Variants in TBX5 observed in about 807,000 individuals in gnomAD.
The protein encoded by TBX5 is T-box transcription factor 5, also known as T-box transcription factor TBX5.
Under a neutral mutation model 51.1 loss-of-function variants are expected in TBX5, and 8 were observed. The ratio of observed to expected loss-of-function variants is 0.16; its 90% CI spans 0.09 to 0.28. The LOEUF (loss-of-function observed/expected upper bound fraction) is 0.28. TBX5 is among the 10% of genes least tolerant of loss of function. The probability of loss-of-function intolerance (pLI) is 1.00; values close to 1 mark genes in which losing one functional copy is unlikely to be tolerated. For missense variants in TBX5, 589 were observed against 671.7 expected, an observed-to-expected ratio of 0.88 and a Z score of 1.36; for synonymous variants, 302 against 266.4, an observed-to-expected ratio of 1.13 and a Z score of -1.30.
intron 8 of TBX5, among the ~76,000 whole-genome samples, chr12:114,359,820 T>C (rs1304673822): frequency 6.6e-6 from 1 of 152,210 alleles, no homozygotes; most frequent in Non-Finnish European, 1.5e-5. Context: ...ACCTGAACTT[T>C]TTATGAGATT....
chr12:114,403,798 G>A lies in TBX5; in HGVS notation c.101C>T (p.Ala34Val), dbSNP rs761952835. The change falls in exon 2 of 9, where the codon GCC becomes GTC. Residue 34 changes from alanine (A) to valine (V), a missense_variant. By Grantham distance (64) the Ala-to-Val change is moderately conservative (BLOSUM62 0). Coordinates refer to ENST00000405440, the MANE Select transcript of TBX5 (RefSeq NM_181486.4). ...CDSKPESALG[A>V]PSKSPSSPQA... Reference sequence around the variant, plus strand: ...CGGGGACGACGGGGACTTGCTGGGGGCCCCGAGCGCGCTCTCGGGTTTCGA... The same window carrying A: ...CGGGGACGACGGGGACTTGCTGGGGACCCCGAGCGCGCTCTCGGGTTTCGA... 14 of 1,614,046 alleles carry A rather than the reference G, an allele frequency of 8.7e-6. No homozygotes were observed. In the Admixed American group the frequency reaches 2.0e-4, roughly 23 times the overall value.
intron 5 of TBX5, among the ~76,000 whole-genome samples, chr12:114,397,230 T>C (rs1871482462): frequency 6.6e-6 from 1 of 152,184 alleles, no homozygotes; most frequent in Non-Finnish European, 1.5e-5. Flanking sequence ...TTGCTCCTCT[T>C]TGAAGCTACA....
At position 114,355,705 on chromosome 12, in the gene TBX5, C is replaced by A; in HGVS notation, c.1384G>T (p.Ala462Ser). ...EGMFQHQTSV[A>S]HQPVVRQCGP... ...CACTGCCTGACCACAGGCTGGTGGGCCACGGAGGTCTGGTGCTGGAACATT... is the reference window on the plus strand; with the variant it reads ...CACTGCCTGACCACAGGCTGGTGGGACACGGAGGTCTGGTGCTGGAACATT... Residue 462 changes from alanine to serine, a missense_variant, in exon 9 of 9, where the codon GCC becomes TCC. Around this residue, in one of 7 missense-constraint regions of TBX5, gnomAD observed 348 missense variants for 360.4 expected, o/e 0.97. Transcript: ENST00000405440. 1 of 1,613,928 alleles carries A rather than the reference C, an allele frequency of 6.2e-7. No individual in the cohort carries two copies. The highest frequency in any genetic ancestry group is 8.5e-7 in the Non-Finnish European group (1 of 1,179,908).
Position 114,405,918 on chromosome 12 carries a change from T to C in TBX5, c.-329A>G. 3 of 985,450 alleles carry C rather than the reference T, an allele frequency of 3.0e-6. No homozygotes were observed. The highest frequency in any genetic ancestry group is 3.6e-6 in the Non-Finnish European group (3 of 830,030). The allele number at this position is 985,450 out of a possible 1,614,324, so 61.0% of individuals were successfully genotyped here. A position where few individuals can be genotyped will look rare whatever the true frequency, so the allele number is the denominator to read the frequency against. ...TAGCCTCCAAGAGCACCGGCAACCA[T>C]ATAATCTCAGTGCCCCGCTCCTCCT... On this transcript the variant is annotated 5_prime_UTR_variant, in exon 1 of 9. In the 5' UTR this introduces an upstream ATG that the reference lacks. Coordinates refer to ENST00000405440, the MANE Select transcript of TBX5 (RefSeq NM_181486.4).
rs757457183 is a variant in TBX5, at chr12:114,355,689, A to G, written c.1400T>C (p.Val467Ala). Residue 467 changes from valine to alanine, a missense_variant, in exon 9 of 9, where the codon GTC becomes GCC. This residue lies in a region of TBX5 where 348 missense variants were observed against 360.4 expected (regional missense o/e 0.97). Coordinates refer to ENST00000405440, the MANE Select transcript of TBX5 (RefSeq NM_181486.4). ...GCCAGTCTGAGGCCCACACTGCCTG[A>G]CCACAGGCTGGTGGGCCACGGAGGT... ...HQTSVAHQPV[V>A]RQCGPQTGLQ... 6.2e-7 allele frequency: 1 copy of G among 1,614,012 alleles called. No homozygotes were observed. The highest frequency in any genetic ancestry group is 1.7e-5 in the Admixed American group (1 of 60,024).
At chr12:114,369,511 G>A (rs924129879) in intron 7 of TBX5, among the ~76,000 whole-genome samples, 1 of 152,140 alleles carries the variant, frequency 6.6e-6, no homozygotes, top group Non-Finnish European at 1.5e-5. Context: ...CATGGAATGG[G>A]GAAGTGACTT....
At chr12:114,370,374 G>C (rs1343144345) in intron 7 of TBX5, among the ~76,000 whole-genome samples, 4 of 151,804 alleles carry the variant, frequency 2.6e-5, no homozygotes, top group Admixed American at 2.6e-4. Context: ...GGCAGGTACA[G>C]AGAGGTCAAG....
chr12:114,394,296 C>G (rs1190135001), intron 6 of TBX5, among the ~76,000 whole-genome samples: 1 of 152,112 alleles, frequency 6.6e-6, no homozygotes, highest in Non-Finnish European at 1.5e-5. Flanking sequence ...GCCTGGGTGA[C>G]AGACAGAGTG....
rs1289222151 is a variant in TBX5, at chr12:114,394,852, G to A, written c.552C>T (p.His184=). Residue 184 remains histidine (H), a synonymous_variant, in exon 6 of 9, where the codon CAC becomes CAT. Transcript: ENST00000405440. ...NSMHKYQPRL[H]IVKADENNGF... is the part of the protein sequence containing the mutation. ...CATTATTTTCATCCGCTTTCACGAT[G>A]TGTAATCTAGGCTGGTATTTGTGCA... The A allele has an allele frequency of 6.2e-7, 1 of 1,614,132 alleles. No individual in the cohort carries two copies. Among genetic ancestry groups the A allele is most frequent in the South Asian group, 1.1e-5 (1 of 91,078 alleles).
At chr12:114,393,703 T>C (rs1294829105) in intron 6 of TBX5, among the ~76,000 whole-genome samples, 2 of 152,114 alleles carry the variant, frequency 1.3e-5, no homozygotes, top group East Asian at 3.9e-4. Flanking sequence ...TTGAACCTCA[T>C]GGGGTCTGAC....
At chr12:114,400,963 C>A (rs770668280) in intron 3 of TBX5, among the ~76,000 whole-genome samples, 1 of 152,188 alleles carries the variant, frequency 6.6e-6, no homozygotes, top group Non-Finnish European at 1.5e-5. Flanking sequence ...TTGGGCCTAC[C>A]GTTCGCCTGC....
intron 5 of TBX5, among the ~76,000 whole-genome samples, chr12:114,396,814 C>T (rs1480481259): frequency 1.3e-5 from 2 of 152,160 alleles, no homozygotes; most frequent in South Asian, 2.1e-4. Flanking sequence ...CTGGCAGATA[C>T]ACAGCCAGGG....
upstream of TBX5, chr12:114,407,123 G>A: frequency 1.0e-6 from 1 of 985,106 alleles, no homozygotes; most frequent in Non-Finnish European, 1.2e-6. Context: ...GTAACCCTCT[G>A]TGACTGCTCT....
chr12:114,376,716 A>G (rs1870211369), intron 7 of TBX5, among the ~76,000 whole-genome samples: 1 of 151,746 alleles, frequency 6.6e-6, no homozygotes, highest in East Asian at 1.9e-4. Flanking sequence ...GAGGTGCTGA[A>G]TATGTTAATT....
At chr12:114,407,480 TCA>T (rs1419902514), upstream of TBX5, among the ~76,000 whole-genome samples, 2 of 152,162 alleles carry the variant, frequency 1.3e-5, no homozygotes, top group Admixed American at 6.5e-5. Flanking sequence ...CTTTAAGTTC[TCA>T]GAGATTTGGG....
chr12:114,367,392 C>T (rs913640301), intron 7 of TBX5, among the ~76,000 whole-genome samples: 15 of 152,108 alleles, frequency 9.9e-5, no homozygotes, highest in African/African-American at 3.6e-4. Context: ...CTCACACAGG[C>T]AAAGTAAGCA....
At position 114,373,615 on chromosome 12, in the gene TBX5, T is replaced by A. The variant is rs11067086; in HGVS notation, c.756-7224A>T. On this transcript the variant is annotated intron_variant, in intron 7 of 8. Coordinates refer to ENST00000405440, the MANE Select transcript of TBX5 (RefSeq NM_181486.4). ...CTGGGACTGCAAGCACCCACCATCA[T>A]GCCCAGCTAATTTTTGTATTTTTAG... Among the ~76,000 whole-genome samples, 5,047 of 152,226 alleles carry A rather than the reference T, an allele frequency of 0.033. 378 individuals are homozygous for A. In the East Asian group the frequency reaches 0.35, roughly 11 times the overall value.
rs376621016 is a variant in TBX5, at chr12:114,399,553, G to A, written c.322C>T (p.Pro108Ser). Residue 108 changes from proline to serine, a missense_variant, in exon 4 of 9, where the codon CCT (proline) becomes TCT (serine). Pro to Ser is a moderately conservative substitution (Grantham distance 74). Coordinates refer to ENST00000405440, the MANE Select transcript of TBX5 (RefSeq NM_181486.4). Reference sequence around the variant, plus strand: ...AATTTGTATCTGTGATCGTCGGCAGGTACAATGTCCATGAGAAGAATGTAC... The same window carrying A: ...AATTTGTATCTGTGATCGTCGGCAGATACAATGTCCATGAGAAGAATGTAC... ...TKYILLMDIVPADDHRYKFAD... is the reference protein window; with the variant it reads ...TKYILLMDIVSADDHRYKFAD... 8.1e-6 allele frequency: 13 copies of A among 1,614,010 alleles called. No homozygotes were observed. The highest frequency in any genetic ancestry group is 1.7e-5 in the Admixed American group (1 of 59,996).
chr12:114,405,565 C>T (rs1209203160), intron 1 of TBX5, 63 bp downstream of exon 1: 4 of 344,460 alleles, frequency 1.2e-5, no homozygotes, highest in South Asian at 2.3e-4. Flanking sequence ...TTCCCGCCGC[C>T]CCAGCCGACT....
Sources: gnomAD v4.1 joint callset for allele counts (sites outside exome capture counted in the v4.1 genomes callset) on GRCh38, gnomAD v4.1.1 for gene constraint, gnomAD v4.1.1 regional missense constraint, MANE v1.5 for transcripts, NCBI Gene and HGNC (gene_info 2026-07-23, HGNC 2026-07-21) for gene names.